The following RAB27B variants were observed in gnomAD, a reference collection of about 807,000 sequenced individuals.
RAB27B encodes the protein ras-related protein Rab-27B.
A neutral mutation model predicts 24.6 loss-of-function variants in RAB27B; 15 were observed. The ratio of observed to expected loss-of-function variants is 0.61; its 90% CI spans 0.41 to 0.94. The LOEUF is 0.94. Among genes scored for constraint, RAB27B ranks in the 40% least tolerant of loss-of-function variants. The probability of loss-of-function intolerance (pLI) is 0.00; values close to 1 mark genes in which losing one functional copy is unlikely to be tolerated. For synonymous variants in RAB27B, 105 were observed against 92.5 expected, an observed-to-expected ratio of 1.14 and a Z score of -0.78; for missense variants, 261 against 266.8, an observed-to-expected ratio of 0.98 and a Z score of 0.15.
chr18:54,796,252 T>A (rs1909414773), intron 2 of RAB27B, among the ~76,000 whole-genome samples: 1 of 152,174 alleles, frequency 6.6e-6, no homozygotes, highest in Admixed American at 6.5e-5. Context: ...GGTGGGTGTC[T>A]GTGACTCCTG....
At position 54,889,623 on chromosome 18, in the gene RAB27B, A is replaced by G. The variant is rs1599000728; in HGVS notation, c.*210A>G. The stretch of plus-strand genomic sequence containing the variant: ...GAGGCCCTTTCAAACATGATCAAAG[A>G]TTTCCCAATGTGATCTCATCATCAT... On this transcript the variant is annotated 3_prime_UTR_variant, in exon 6 of 6. Transcript: ENST00000262094. The G allele has an allele frequency of 2.2e-6, 1 of 460,702 alleles. No homozygotes were observed. The highest frequency in any genetic ancestry group is 2.0e-5 in the African/African-American group (1 of 50,176). 28.5% of individuals were successfully genotyped at this position (460,702 alleles called of 1,614,324 possible).
At chr18:54,783,668 C>G (rs1169035513) in intron 2 of RAB27B, among the ~76,000 whole-genome samples, 1 of 152,144 alleles carries the variant, frequency 6.6e-6, no homozygotes, top group African/African-American at 2.4e-5. Flanking sequence ...AATGGAAACC[C>G]AGGAAGCTGG....
At chr18:54,871,884 G>A (rs938123708) in intron 1 of RAB27B, among the ~76,000 whole-genome samples, 6 of 151,526 alleles carry the variant, frequency 4.0e-5, no homozygotes, top group Non-Finnish European at 4.4e-5. Context: ...TATTAAGTTG[G>A]TTTCTGTTAA....
At chr18:54,734,500 C>T (rs1909830648) in intron 2 of RAB27B, among the ~76,000 whole-genome samples, 1 of 151,990 alleles carries the variant, frequency 6.6e-6, no homozygotes, top group Admixed American at 6.6e-5. Flanking sequence ...ATTACAATAA[C>T]CAATAATATA....
At chr18:54,860,908 G>A (rs759910145) in intron 1 of RAB27B, among the ~76,000 whole-genome samples, 4 of 152,076 alleles carry the variant, frequency 2.6e-5, no homozygotes, top group African/African-American at 7.2e-5. Flanking sequence ...TAAAATATCC[G>A]CTAAAACAAT....
At chr18:54,819,249 A>G (rs1910217768) in intron 2 of RAB27B, among the ~76,000 whole-genome samples, 2 of 147,966 alleles carry the variant, frequency 1.4e-5, no homozygotes, top group South Asian at 4.2e-4. Flanking sequence ...ATAATACATA[A>G]ATATAAACAT....
Position 54,881,720 on chromosome 18 carries a change from G to A in RAB27B, c.239+2266G>A, listed in dbSNP as rs114403599. Among the ~76,000 whole-genome samples the A allele has an allele frequency of 6.0e-3, 913 of 152,254 alleles. 4 individuals are homozygous for A. The highest frequency in any genetic ancestry group is 0.019 in the African/African-American group (774 of 41,550). On this transcript the variant is annotated intron_variant, in intron 3 of 5. Transcript: ENST00000262094. ...CTGGAAATGAATTACTTGTCTCCCC[G>A]TGGGGGAAATGGGGGATATCAAAGA... is the stretch of plus-strand genomic sequence containing the variant.
At chr18:54,723,009 G>T (rs1238302148) in intron 2 of RAB27B, among the ~76,000 whole-genome samples, 3 of 152,138 alleles carry the variant, frequency 2.0e-5, no homozygotes, top group Non-Finnish European at 2.9e-5. Flanking sequence ...TAGAAAAGAG[G>T]CATGGTTGGG....
At chr18:54,810,627 C>T (rs1909930846) in intron 2 of RAB27B, among the ~76,000 whole-genome samples, 1 of 151,878 alleles carries the variant, frequency 6.6e-6, no homozygotes, top group African/African-American at 2.4e-5. Flanking sequence ...ATCAGGAGTT[C>T]AAGACCAGCC....
chr18:54,844,599 G>A (rs912162647), intron 1 of RAB27B, among the ~76,000 whole-genome samples: 1 of 151,650 alleles, frequency 6.6e-6, no homozygotes, highest in Non-Finnish European at 1.5e-5. Context: ...TAGAAATGGG[G>A]TTTCACCATG....
chr18:54,889,485 A>G lies in RAB27B; in HGVS notation c.*72A>G. On this transcript the variant is annotated 3_prime_UTR_variant, in exon 6 of 6. Transcript: ENST00000262094. ...TTTAAAAACAATGACAAACCACACA[A>G]TTGTTGTTGAGTAAACCACGCACAA... is the stretch of plus-strand genomic sequence containing the variant. 4 of 1,387,746 alleles carry G rather than the reference A, an allele frequency of 2.9e-6. No homozygotes were observed. The highest frequency in any genetic ancestry group is 3.9e-6 in the Non-Finnish European group (4 of 1,033,716). 86.0% of individuals were successfully genotyped at this position (1,387,746 alleles called of 1,614,324 possible).
chr18:54,780,247 A>G (rs1908864624), intron 2 of RAB27B, among the ~76,000 whole-genome samples: 2 of 79,838 alleles, frequency 2.5e-5, no homozygotes, highest in South Asian at 4.6e-4. Flanking sequence ...CCCCCTCACT[A>G]TGTCTCCGCT....
intron 2 of RAB27B, among the ~76,000 whole-genome samples, chr18:54,769,508 A>G (rs1348196167): frequency 2.6e-5 from 4 of 151,818 alleles, no homozygotes; most frequent in Non-Finnish European, 5.9e-5. Context: ...CCTCTGCAAC[A>G]GTAATATTTA....
chr18:54,800,424 G>T (rs1363677044), intron 2 of RAB27B, among the ~76,000 whole-genome samples: 1 of 152,144 alleles, frequency 6.6e-6, no homozygotes, highest in Non-Finnish European at 1.5e-5. Flanking sequence ...CATTTGCCAG[G>T]ATTGCATTAG....
chr18:54,819,603 ATTTATTT>A (rs968624804), intron 2 of RAB27B, among the ~76,000 whole-genome samples: 12 of 150,160 alleles, frequency 8.0e-5, no homozygotes, highest in African/African-American at 2.7e-4. Flanking sequence ...TTTATTTTTT[ATTTATTT>A]TTTATTTTTA....
intron 2 of RAB27B, among the ~76,000 whole-genome samples, chr18:54,758,643 A>AC (rs1908083432): frequency 6.6e-6 from 1 of 151,340 alleles, no homozygotes; most frequent in Non-Finnish European, 1.5e-5. Flanking sequence ...ATTAAAAAAA[A>AC]AAAAAAAGGA....
At chr18:54,769,369 A>G (rs1908468556) in intron 2 of RAB27B, among the ~76,000 whole-genome samples, 1 of 152,136 alleles carries the variant, frequency 6.6e-6, no homozygotes, top group Admixed American at 6.6e-5. Flanking sequence ...ATTACATAAG[A>G]ACATCTTTTT....
intron 2 of RAB27B, among the ~76,000 whole-genome samples, chr18:54,779,973 C>T (rs182998534): frequency 2.4e-3 from 352 of 149,054 alleles, no homozygotes; most frequent in African/African-American, 8.6e-3. Context: ...TCCTCCTCAC[C>T]GTGTCTCCCC....
At chr18:54,839,957 T>C (rs1378899287) in intron 1 of RAB27B, among the ~76,000 whole-genome samples, 1 of 152,218 alleles carries the variant, frequency 6.6e-6, no homozygotes, top group African/African-American at 2.4e-5. Flanking sequence ...TCATGACACC[T>C]TATTAAGGAA....
Sources: gnomAD v4.1 joint callset for allele counts (sites outside exome capture counted in the v4.1 genomes callset) on GRCh38, gnomAD v4.1.1 for gene constraint, MANE v1.5 for transcripts, NCBI Gene and HGNC (gene_info 2026-07-23, HGNC 2026-07-21) for gene names.